Variants in MME observed in about 807,000 individuals in gnomAD.
The protein encoded by MME is membrane metalloendopeptidase, also known as neprilysin.
In MME, 98 loss-of-function variants were observed where a neutral mutation model predicts 113.2. The ratio of observed to expected loss-of-function variants is 0.87; its 90% CI spans 0.74 to 1.02. MME has a LOEUF of 1.02. MME is among the 50% of genes least tolerant of loss of function. MME has a pLI of 0.00. For synonymous variants in MME, 292 were observed against 300.6 expected (o/e 0.97, Z 0.30); for missense variants, 836 against 896.0 (o/e 0.93, Z 0.86).
At chr3:155,119,104 C>T (rs1718875642) in intron 8 of MME, among the ~76,000 whole-genome samples, 1 of 152,208 alleles carries the variant, frequency 6.6e-6, no homozygotes, top group African/African-American at 2.4e-5. Flanking sequence ...ATATTTTAAT[C>T]CACCTGTAAA....
chr3:155,059,508 G>T (rs1276738462), intron 1 of MME, among the ~76,000 whole-genome samples: 2 of 152,058 alleles, frequency 1.3e-5, no homozygotes, highest in Non-Finnish European at 2.9e-5. Flanking sequence ...ACTTCTCCAG[G>T]ATTCCACAAT....
rs961610475 is a variant in MME at position 155,181,722 on chromosome 3, G to A, written c.*1263G>A. On this transcript the variant is annotated 3_prime_UTR_variant, in exon 23 of 23. Transcript: ENST00000360490. ...AAAAGAACTGTTTACTGCTTGATAG[G>A]AATTCATCTTTTGAGGCTTCTGTTC... The A allele has an allele frequency of 6.6e-6, 1 of 152,050 alleles. No homozygotes were observed. Among genetic ancestry groups the A allele is most frequent in the African/African-American group, 2.4e-5 (1 of 41,414 alleles). The allele number at this position is 152,050 out of a possible 1,614,324, so 9.4% of individuals were successfully genotyped here. A position where few individuals can be genotyped will look rare whatever the true frequency, so the allele number is the denominator to read the frequency against.
intron 8 of MME, among the ~76,000 whole-genome samples, chr3:155,130,448 CA>C (rs1204010576): frequency 6.6e-6 from 1 of 152,120 alleles, no homozygotes. Flanking sequence ...TATACTGCTG[CA>C]GGGCATGGCT....
intron 1 of MME, among the ~76,000 whole-genome samples, chr3:155,025,734 C>T (rs537157780): frequency 5.8e-5 from 8 of 136,784 alleles, no homozygotes; most frequent in Non-Finnish European, 1.3e-4. Context: ...ACTCTGTCGC[C>T]CAGGCTGGAG....
Position 155,042,154 on chromosome 3 carries a change from CT to C in MME, c.-11+17831del, listed in dbSNP as rs1713342605. Among the ~76,000 whole-genome samples the C allele has an allele frequency of 3.3e-5, 5 of 152,116 alleles. No homozygotes were observed. The South Asian group carries it at 1.0e-3, about 31-fold the overall frequency. Reference sequence around the variant, plus strand: ...TTCACTGAGATAATGTGCACAAACACTCAGGAACTCAGAGTTTTCCCAATGC... The same window carrying C: ...TTCACTGAGATAATGTGCACAAACACCAGGAACTCAGAGTTTTCCCAATGC... On this transcript the variant is annotated intron_variant, in intron 1 of 22. Transcript: ENST00000492661.
chr3:155,107,395 T>A (rs907002424), intron 3 of MME, among the ~76,000 whole-genome samples: 1 of 151,872 alleles, frequency 6.6e-6, no homozygotes, highest in Admixed American at 6.6e-5. Context: ...AGGAATTTTG[T>A]CATGGCACTG....
intron 1 of MME, among the ~76,000 whole-genome samples, chr3:155,038,819 A>G (rs1349409263): frequency 6.6e-6 from 1 of 152,132 alleles, no homozygotes. Flanking sequence ...TTTCACTTAA[A>G]GGTAGCACTT....
intron 1 of MME, among the ~76,000 whole-genome samples, chr3:155,064,910 A>G (rs983206481): frequency 2.0e-5 from 3 of 152,148 alleles, no homozygotes; most frequent in Non-Finnish European, 2.9e-5. Flanking sequence ...TTGTAGGTGC[A>G]TCACTCAATC....
At chr3:155,044,125 CTTTTTTTTTT>C (rs5853709) in intron 1 of MME, among the ~76,000 whole-genome samples, 1 of 89,226 alleles carries the variant, frequency 1.1e-5, no homozygotes, top group African/African-American at 4.2e-5. Flanking sequence ...CTTCCTTTTT[CTTTTTTTTTT>C]TTTTTTTTTT....
chr3:155,160,269 G>C, intron 16 of MME, 121 bp from the exon 17 acceptor site: 1 of 757,082 alleles, frequency 1.3e-6, no homozygotes, highest in Non-Finnish European at 2.4e-6. Flanking sequence ...TTAATTTGTT[G>C]ATCATGTTTC....
At chr3:155,085,151 T>G (rs556193537) in intron 3 of MME, 57 bp downstream of exon 3, 19 of 1,108,672 alleles carry the variant, frequency 1.7e-5, no homozygotes, top group South Asian at 5.7e-5. Flanking sequence ...TATTTAAAAT[T>G]AAATGCTAAT....
intron 3 of MME, among the ~76,000 whole-genome samples, chr3:155,113,147 A>G (rs1718323012): frequency 6.6e-6 from 1 of 152,190 alleles, no homozygotes; most frequent in Non-Finnish European, 1.5e-5. Flanking sequence ...AGGACTAAGA[A>G]AACACAAGGA....
At position 155,172,535 on chromosome 3, in the gene MME, G is replaced by C. The variant is rs1217067826; in HGVS notation, c.2077-1G>C. ...TTTGCTTTTCCTATTCCTATCTCTA[G>C]GTGTGGTGTGGAACCTATAGGCCAG... On this transcript the variant is annotated splice_acceptor_variant, in intron 21 of 22. Coordinates refer to ENST00000360490, the MANE Select transcript of MME (RefSeq NM_007289.4). LOFTEE classifies it high-confidence loss of function. The C allele has an allele frequency of 6.2e-7, 1 of 1,608,594 alleles. No homozygotes were observed. The highest frequency in any genetic ancestry group is 1.3e-5 in the African/African-American group (1 of 74,830).
In MME at chr3:155,148,563, A is replaced by T. The variant is rs201239248; in HGVS notation, c.1511A>T (p.Glu504Val). ...NNEYLELNYK[E>V]DEYFENIIQN... is the part of the protein sequence containing the mutation. ...TTTATAATACAGTTGAACTACAAAG[A>T]AGATGAATACTTCGAGAACATAATT... is the stretch of plus-strand genomic sequence containing the variant. Residue 504 changes from glutamate (E) to valine (V), a missense_variant, in exon 16 of 23, where the codon GAA becomes GTA. Physicochemically the swap from Glu to Val is moderately radical, Grantham distance 121. Coordinates refer to ENST00000360490, the MANE Select transcript of MME (RefSeq NM_007289.4). The T allele has an allele frequency of 3.7e-5, 59 of 1,604,076 alleles. No homozygotes were observed. The highest frequency in any genetic ancestry group is 4.9e-5 in the Non-Finnish European group (57 of 1,171,332).
At chr3:155,043,023 AT>A (rs1164275004) in intron 1 of MME, among the ~76,000 whole-genome samples, 1 of 143,350 alleles carries the variant, frequency 7.0e-6, no homozygotes, top group East Asian at 2.1e-4. Flanking sequence ...AGATACTCAC[AT>A]TTTTTTGTTT....
intron 3 of MME, among the ~76,000 whole-genome samples, chr3:155,108,916 T>C (rs1348816040): frequency 2.0e-5 from 3 of 152,164 alleles, no homozygotes; most frequent in Non-Finnish European, 2.9e-5. Flanking sequence ...AGGGGAGATC[T>C]TGTGGCTTGG....
At chr3:155,138,019 A>T (rs1720766847) in intron 8 of MME, 83 bp from the exon 9 acceptor site, 1 of 1,485,428 alleles carries the variant, frequency 6.7e-7, no homozygotes, top group East Asian at 2.3e-5. Context: ...CCAAAAATTA[A>T]TATTGAAATG....
At chr3:155,163,861 G>A (rs866450939) in intron 17 of MME, among the ~76,000 whole-genome samples, 18 of 151,984 alleles carry the variant, frequency 1.2e-4, no homozygotes, top group Admixed American at 1.0e-3. Context: ...AGAATGTTTA[G>A]ACTATGCATG....
intron 1 of MME, among the ~76,000 whole-genome samples, chr3:155,044,125 C>CTTTTTTTTTT (rs5853709): frequency 4.1e-4 from 37 of 89,218 alleles, no homozygotes; most frequent in East Asian, 7.3e-4. Context: ...CTTCCTTTTT[C>CTTTTTTTTTT]TTTTTTTTTT....
Sources: allele counts gnomAD v4.1 joint callset (sites outside exome capture counted in the v4.1 genomes callset), GRCh38; gene constraint gnomAD v4.1.1; transcripts MANE v1.5; gene names NCBI Gene and HGNC (gene_info 2026-07-23, HGNC 2026-07-21).